Variants in ARSG observed in about 807,000 individuals in gnomAD.
ARSG encodes ASG.
In ARSG, 37 loss-of-function variants were observed where a neutral mutation model predicts 50.5. The observed-to-expected ratio is 0.73, with a 90% CI of 0.56 to 0.96. The LOEUF (loss-of-function observed/expected upper bound fraction) is 0.96, where lower values mean the gene tolerates loss of function less well. Among genes scored for constraint, ARSG ranks in the 50% least tolerant of loss-of-function variants. The pLI is 0.00. For synonymous variants in ARSG, 225 were observed against 254.6 expected, an observed-to-expected ratio of 0.88 and a Z score of 1.11; for missense variants, 629 against 675.3, an observed-to-expected ratio of 0.93 and a Z score of 0.76.
At chr17:68,274,171 C>G in intron 1 of ARSG, 1 of 1,317,248 alleles carries the variant, frequency 7.6e-7, no homozygotes, top group Non-Finnish European at 1.1e-6. Context: ...GAGATGATGT[C>G]GAATATAAAT....
intron 1 of ARSG, among the ~76,000 whole-genome samples, chr17:68,284,755 A>G (rs961378024): frequency 6.6e-6 from 1 of 152,204 alleles, no homozygotes; most frequent in African/African-American, 2.4e-5. Context: ...AGGACTATAT[A>G]TTCACTTTAT....
At chr17:68,343,306 G>A (rs1599798543) in intron 2 of ARSG, among the ~76,000 whole-genome samples, 4 of 152,084 alleles carry the variant, frequency 2.6e-5, no homozygotes, top group Admixed American at 6.6e-5. Flanking sequence ...ACAGGCGCAC[G>A]CCACTGCACC....
intron 2 of ARSG, among the ~76,000 whole-genome samples, chr17:68,333,749 A>G (rs1031866626): frequency 1.3e-5 from 2 of 152,074 alleles, no homozygotes; most frequent in African/African-American, 4.8e-5. Flanking sequence ...CAGTCTCAGG[A>G]GGAAGGGAAC....
chr17:68,259,746 ATC>A (rs751621637), intron 1 of ARSG, among the ~76,000 whole-genome samples: 3 of 152,154 alleles, frequency 2.0e-5, no homozygotes, highest in Non-Finnish European at 4.4e-5. Context: ...CTTGCAGTAC[ATC>A]TTACTTCCAA....
intron 11 of ARSG, among the ~76,000 whole-genome samples, chr17:68,417,673 T>G (rs1319293942): frequency 6.7e-6 from 1 of 148,900 alleles, no homozygotes; most frequent in Non-Finnish European, 1.5e-5. Flanking sequence ...TCTCTAATTT[T>G]GGGGGCAGTA....
downstream of ARSG, chr17:68,426,254 G>GGGGGGGGGGGT: frequency 3.7e-6 from 3 of 816,924 alleles, no homozygotes; most frequent in South Asian, 2.7e-5. Context: ...GGGAGCGGGG[G>GGGGGGGGGGGT]CTCAAATAAA....
downstream of ARSG, chr17:68,427,086 G>T: frequency 6.8e-7 from 1 of 1,479,162 alleles, no homozygotes; most frequent in South Asian, 1.1e-5. Context: ...GAGAAGGGGA[G>T]GGAGGTCACT....
intron 1 of ARSG, among the ~76,000 whole-genome samples, chr17:68,269,892 G>C (rs1370728361): frequency 3.3e-5 from 5 of 151,902 alleles, no homozygotes; most frequent in African/African-American, 1.2e-4. Flanking sequence ...AGGCTGGTCT[G>C]GAACTCCTGA....
chr17:68,433,784 T>TGTTTTTTTG, the ARSG span, among the ~76,000 whole-genome samples: 2 of 86,936 alleles, frequency 2.3e-5, no homozygotes, highest in African/African-American at 7.8e-5. Flanking sequence ...TTTTTTTTTT[T>TGTTTTTTTG]TTTTTTTTTT....
chr17:68,437,260 C>G, the ARSG span, among the ~76,000 whole-genome samples: 4 of 152,020 alleles, frequency 2.6e-5, no homozygotes, highest in African/African-American at 9.7e-5. Context: ...TATTTAGAAA[C>G]TGAGAAATTT....
At chr17:68,295,293 C>T (rs898869256) in intron 1 of ARSG, among the ~76,000 whole-genome samples, 11 of 152,006 alleles carry the variant, frequency 7.2e-5, no homozygotes, top group East Asian at 1.9e-4. Flanking sequence ...TGTGTGTGGG[C>T]GGCCGATGAT....
At position 68,352,164 on chromosome 17, in the gene ARSG, A is replaced by AGAG. The variant is rs370918825; in HGVS notation, c.566+479_566+481dup. On this transcript the variant is annotated intron_variant, in intron 5 of 11. Transcript: ENST00000621439. ...AGAGGAGAGAGAGAGAGAGAGAGAC[A>AGAG]GAGAGAGAGAGAGAGAGAGACAGAG... is the stretch of plus-strand genomic sequence containing the variant. Among the ~76,000 whole-genome samples, 29 of 48,848 alleles carry AGAG rather than the reference A, an allele frequency of 5.9e-4. 1 individual carries two copies. Among genetic ancestry groups the AGAG allele is most frequent in the Admixed American group, 1.7e-3 (9 of 5,272 alleles). 32.0% of individuals were successfully genotyped at this position (48,848 alleles called of 152,430 possible).
chr17:68,386,134 G>A (rs539487115), intron 9 of ARSG, among the ~76,000 whole-genome samples: 11 of 152,282 alleles, frequency 7.2e-5, no homozygotes, highest in South Asian at 6.2e-4. Context: ...GCTGTGCAGC[G>A]TCTATGTGAA....
intron 2 of ARSG, among the ~76,000 whole-genome samples, chr17:68,334,452 CCTTAT>C (rs2077922428): frequency 6.6e-6 from 1 of 152,104 alleles, no homozygotes; most frequent in African/African-American, 2.4e-5. Context: ...GTGAACCAAA[CCTTAT>C]CTTATGAGAG....
At chr17:68,312,839 G>A (rs1470928244) in intron 2 of ARSG, among the ~76,000 whole-genome samples, 3 of 152,120 alleles carry the variant, frequency 2.0e-5, no homozygotes, top group East Asian at 1.9e-4. Context: ...TGCCCAACAG[G>A]GTCTGGGGTG....
intron 1 of ARSG, among the ~76,000 whole-genome samples, chr17:68,298,362 G>C (rs1555759314): frequency 2.0e-5 from 3 of 151,954 alleles, no homozygotes; most frequent in African/African-American, 7.3e-5. Context: ...CAGCAATTTG[G>C]GAGGGTGAGG....
chr17:68,262,791 G>T (rs2075094509), intron 1 of ARSG, among the ~76,000 whole-genome samples: 1 of 152,184 alleles, frequency 6.6e-6, no homozygotes, highest in African/African-American at 2.4e-5. Flanking sequence ...TTGGATGTGT[G>T]GAGGAGTGGG....
chr17:68,410,338 G>A (rs1159999678), intron 11 of ARSG, among the ~76,000 whole-genome samples: 1 of 144,830 alleles, frequency 6.9e-6, no homozygotes, highest in African/African-American at 2.6e-5. Flanking sequence ...ATGAAGGGTT[G>A]TTGAATTTTG....
At chr17:68,358,581 T>C (rs1460137796) in intron 6 of ARSG, among the ~76,000 whole-genome samples, 1 of 151,856 alleles carries the variant, frequency 6.6e-6, no homozygotes, top group Non-Finnish European at 1.5e-5. Flanking sequence ...CCCAACTATT[T>C]TGGAGGCTGA....
Sources: allele counts gnomAD v4.1 joint callset (sites outside exome capture counted in the v4.1 genomes callset), GRCh38; gene constraint gnomAD v4.1.1; transcripts MANE v1.5; gene names NCBI Gene and HGNC (gene_info 2026-07-23, HGNC 2026-07-21).